The following FAM193B variants were observed in gnomAD, a reference collection of about 807,000 sequenced individuals.
The protein encoded by FAM193B is family with sequence similarity 193 member B.
A neutral mutation model predicts 70.7 loss-of-function variants in FAM193B; 27 were observed. The ratio of observed to expected loss-of-function variants is 0.38; its 90% CI spans 0.28 to 0.53. The LOEUF (loss-of-function observed/expected upper bound fraction) is 0.53. FAM193B is among the 20% of genes least tolerant of loss of function. FAM193B has a pLI of 0.81. For synonymous variants in FAM193B, 448 were observed against 436.0 expected (o/e 1.03, Z -0.34); for missense variants, 1,022 against 1,072.5 (o/e 0.95, Z 0.66).
chr5:177,520,742 C>T (rs1228659696), intron 8 of FAM193B, among the ~76,000 whole-genome samples: 1 of 152,192 alleles, frequency 6.6e-6, no homozygotes, highest in East Asian at 1.9e-4. Context: ...TCCTGCTACT[C>T]CTGGTTCCCA....
In FAM193B at chr5:177,523,952, C is replaced by A. The variant is rs752576884; in HGVS notation, c.2372+5G>T. 4 of 1,613,834 alleles carry A rather than the reference C, an allele frequency of 2.5e-6. No individual in the cohort carries two copies. The highest frequency in any genetic ancestry group is 3.4e-6 in the Non-Finnish European group (4 of 1,179,694). ...CAAGTGGGAGAGCAGGCAGCCCACA[C>A]CTACCTCTTAAAGTACTCCACCTCT... On this transcript the variant is annotated splice_donor_5th_base_variant and intron_variant, in intron 7 of 8. Transcript: ENST00000514747.
rs1471575817 is a variant in FAM193B at position 177,532,615 on chromosome 5, A to G, written c.1103T>C (p.Phe368Ser). ...HRDPGCKGHKFAHSGLACQLP... is the reference protein window; with the variant it reads ...HRDPGCKGHKSAHSGLACQLP... The stretch of plus-strand genomic sequence containing the variant: ...CTGGCAAGCCAGGCCACTGTGTGCA[A>G]ACTTGTGCCCCTTGCACCCGGGATC... Residue 368 changes from phenylalanine to serine, a missense_variant, in exon 5 of 9, where the codon TTT becomes TCT. Phe to Ser is a radical substitution (Grantham distance 155). Transcript: ENST00000514747. The surrounding 1 kb of genome is among the most constrained non-coding windows in gnomAD (Gnocchi z 4.9). The G allele has an allele frequency of 6.3e-7, 1 of 1,577,704 alleles. No homozygotes were observed. Among genetic ancestry groups the G allele is most frequent in the African/African-American group, 1.4e-5 (1 of 73,008 alleles).
At chr5:177,537,117 C>G (rs967882706) in intron 3 of FAM193B, among the ~76,000 whole-genome samples, 2 of 152,322 alleles carry the variant, frequency 1.3e-5, no homozygotes, top group East Asian at 1.9e-4. Context: ...CAGGCTCTGC[C>G]TCTGTGCCAC....
intron 8 of FAM193B, 74 bp downstream of exon 8, chr5:177,521,900 G>GGTC: frequency 8.6e-7 from 1 of 1,164,102 alleles, no homozygotes; most frequent in Middle Eastern, 2.3e-4. Context: ...AGCACAGAAT[G>GGTC]GTCTGGTGAG....
intron 7 of FAM193B, among the ~76,000 whole-genome samples, chr5:177,522,711 ATATTTT>A (rs1315501226): frequency 1.3e-5 from 2 of 152,032 alleles, no homozygotes; most frequent in East Asian, 1.9e-4. Flanking sequence ...TGTAGTTATT[ATATTTT>A]TATTTTTATT....
chr5:177,549,182 CTTTTCTTT>C (rs1561788692), intron 1 of FAM193B, among the ~76,000 whole-genome samples: 1 of 128,630 alleles, frequency 7.8e-6, no homozygotes, highest in Non-Finnish European at 1.6e-5. Context: ...ACTGGATTGT[CTTTTCTTT>C]TTTTTTTTTT....
At chr5:177,554,001 CCGGA>C in intron 1 of FAM193B, 4 of 1,291,084 alleles carry the variant, frequency 3.1e-6, no homozygotes, top group Non-Finnish European at 4.0e-6. Context: ...GCCGGAACGC[CCGGA>C]GGCGGCGGGG....
chr5:177,538,045 C>A lies in FAM193B; in HGVS notation c.516G>T (p.Ser172=). 1 of 1,553,002 alleles carries A rather than the reference C, an allele frequency of 6.4e-7. No individual in the cohort carries two copies. Among genetic ancestry groups the A allele is most frequent in the Non-Finnish European group, 8.7e-7 (1 of 1,147,642 alleles). ...AGGATGAGGATGATGAGGAGGAAGA[C>A]GAGGACGAATGAGAGTCATCTCCAC... ...QSCGDDSHSS[S]SSSSSSSSSS... is the part of the protein sequence containing the mutation. Residue 172 remains serine, a synonymous_variant, in exon 3 of 9, where the codon TCG becomes TCT. Transcript: ENST00000514747. This position sits in a 1 kb window ranked among gnomAD's most constrained non-coding sequence, Gnocchi z 4.1.
intron 5 of FAM193B, among the ~76,000 whole-genome samples, chr5:177,530,356 C>G (rs1005704277): frequency 2.0e-5 from 3 of 152,204 alleles, no homozygotes; most frequent in Non-Finnish European, 4.4e-5. Context: ...CTGCAAATCC[C>G]ATCCTGGCTC....
chr5:177,547,286 C>CTTTTTCT (rs1554120823), intron 1 of FAM193B: 6 of 89,414 alleles, frequency 6.7e-5, no homozygotes, highest in African/African-American at 9.2e-5. Flanking sequence ...AAATTTATTT[C>CTTTTTCT]TTTTTTTTTT....
intron 5 of FAM193B, among the ~76,000 whole-genome samples, chr5:177,531,049 T>C (rs2127461288): frequency 6.6e-6 from 1 of 152,352 alleles, no homozygotes; most frequent in South Asian, 2.1e-4. Flanking sequence ...AGTCCTCAGC[T>C]TGGAGGAATC....
Position 177,521,963 on chromosome 5 carries a change from G to A in FAM193B, c.*1+11C>T. The A allele has an allele frequency of 1.2e-6, 2 of 1,608,996 alleles. No individual in the cohort carries two copies. The highest frequency in any genetic ancestry group is 1.7e-6 in the Non-Finnish European group (2 of 1,175,426). Reference sequence around the variant, plus strand: ...GAGAGGCAGTGGATGTAACTCTTGGGGTCTCTGTACCTCACTGAGCTGTGC... The same window carrying A: ...GAGAGGCAGTGGATGTAACTCTTGGAGTCTCTGTACCTCACTGAGCTGTGC... On this transcript the variant is annotated intron_variant, in intron 8 of 8. Coordinates refer to ENST00000514747, the MANE Select transcript of FAM193B (RefSeq NM_001190946.3).
intron 5 of FAM193B, among the ~76,000 whole-genome samples, chr5:177,528,240 G>A (rs1762920405): frequency 6.6e-6 from 1 of 152,198 alleles, no homozygotes; most frequent in Non-Finnish European, 1.5e-5. Context: ...AACAGCAGAG[G>A]AGGATGGATT....
At chr5:177,543,343 T>C (rs1005876558) in intron 1 of FAM193B, among the ~76,000 whole-genome samples, 1 of 152,196 alleles carries the variant, frequency 6.6e-6, no homozygotes, top group Non-Finnish European at 1.5e-5. Context: ...TAAGTCACAT[T>C]AGAGATACAA....
rs1762230449 is a variant in FAM193B, at chr5:177,524,248, G to A, written c.2233C>T (p.Pro745Ser). 1 of 1,557,046 alleles carries A rather than the reference G, an allele frequency of 6.4e-7. No homozygotes were observed. Among genetic ancestry groups the A allele is most frequent in the Non-Finnish European group, 8.7e-7 (1 of 1,152,492 alleles). ...PSGPARPQSL[P>S]QGKGRSRRSR... ...CGGCGGCTGCGGCCCTTGCCCTGGGGCAAGCTCTGTGGCCTTGCTGGGCCT... is the reference window on the plus strand; with the variant it reads ...CGGCGGCTGCGGCCCTTGCCCTGGGACAAGCTCTGTGGCCTTGCTGGGCCT... The change falls in exon 6 of 9, where the codon CCC becomes TCC. Residue 745 changes from proline to serine, a missense_variant. Physicochemically the swap from Pro to Ser is moderately conservative, Grantham distance 74. Coordinates refer to ENST00000514747, the MANE Select transcript of FAM193B (RefSeq NM_001190946.3).
intron 8 of FAM193B, among the ~76,000 whole-genome samples, chr5:177,521,694 T>G (rs1443246135): frequency 6.6e-6 from 1 of 152,190 alleles, no homozygotes; most frequent in East Asian, 1.9e-4. Flanking sequence ...CCTTAGGAGA[T>G]GCCAGTCCAG....
chr5:177,548,397 G>C (rs567697443), intron 1 of FAM193B, among the ~76,000 whole-genome samples: 1 of 152,238 alleles, frequency 6.6e-6, no homozygotes, highest in Non-Finnish European at 1.5e-5. Context: ...ATACACAATG[G>C]AAGTTGGCAA....
intron 8 of FAM193B, among the ~76,000 whole-genome samples, chr5:177,520,466 CCAGCTGTG>C (rs1238271879): frequency 6.6e-6 from 1 of 152,216 alleles, no homozygotes; most frequent in African/African-American, 2.4e-5. Context: ...GGCTGGGAGG[CCAGCTGTG>C]CAGCTGTGCT....
chr5:177,549,187 CTTTTTTTTT>C (rs141797022), intron 1 of FAM193B, among the ~76,000 whole-genome samples: 16 of 92,998 alleles, frequency 1.7e-4, no homozygotes, highest in East Asian at 5.9e-4. Flanking sequence ...ATTGTCTTTT[CTTTTTTTTT>C]TTTTTTTTTT....
Sources: gnomAD v4.1 joint callset for allele counts (sites outside exome capture counted in the v4.1 genomes callset) on GRCh38, gnomAD v4.1.1 for gene constraint, Gnocchi (gnomAD v3.1) non-coding constraint, MANE v1.5 for transcripts, NCBI Gene and HGNC (gene_info 2026-07-23, HGNC 2026-07-21) for gene names.